The following EIF2AK2 variants were observed in gnomAD, a reference collection of about 807,000 sequenced individuals.
EIF2AK2 encodes eukaryotic translation initiation factor 2 alpha kinase 2.
A neutral mutation model predicts 70.5 loss-of-function variants in EIF2AK2; 40 were observed. The ratio of observed to expected loss-of-function variants is 0.57; its 90% confidence interval spans 0.44 to 0.74. The LOEUF (loss-of-function observed/expected upper bound fraction) is 0.74, where lower values mean the gene tolerates loss of function less well. EIF2AK2 is among the 30% of genes least tolerant of loss of function. The pLI, the probability that EIF2AK2 is intolerant of heterozygous loss-of-function variation, is 0.00. For synonymous variants in EIF2AK2, 198 were observed against 220.9 expected (o/e 0.90, Z 0.92); for missense variants, 555 against 644.3 (o/e 0.86, Z 1.50).
At chr2:37,121,862 T>C (rs1406820958) in intron 12 of EIF2AK2, among the ~76,000 whole-genome samples, 1 of 152,106 alleles carries the variant, frequency 6.6e-6, no homozygotes, top group Admixed American at 6.6e-5. Flanking sequence ...TGGGACCCCA[T>C]TGGCCTCAGG....
intron 6 of EIF2AK2, among the ~76,000 whole-genome samples, chr2:37,139,329 A>C (rs889187172): frequency 2.0e-5 from 3 of 151,046 alleles, no homozygotes; most frequent in Non-Finnish European, 3.0e-5. Context: ...AAAAAAAAAA[A>C]AAAACTCCTG....
chr2:37,150,783 G>T (rs1484491417), intron 1 of EIF2AK2, among the ~76,000 whole-genome samples: 1 of 152,116 alleles, frequency 6.6e-6, no homozygotes, highest in East Asian at 1.9e-4. Flanking sequence ...AATCATGAAG[G>T]ATTTAACTGT....
chr2:37,125,335 T>C (rs577635532), intron 11 of EIF2AK2, among the ~76,000 whole-genome samples: 51 of 152,296 alleles, frequency 3.3e-4, no homozygotes, highest in African/African-American at 1.2e-3. Flanking sequence ...TTAGAACTCA[T>C]CCCCTAGAAT....
In EIF2AK2 at chr2:37,126,506, T is replaced by G. The variant is rs2307467; in HGVS notation, c.786-95A>C. ...TTTCCCTTTAATGTCACTTGTGAAA[T>G]GGACAATAAAACAAATTTGATTCTC... On this transcript the variant is annotated intron_variant, in intron 10 of 16. Transcript: ENST00000233057. 1.9e-3 allele frequency: 2,909 copies of G among 1,501,110 alleles called. 49 individuals are homozygous for G. The African/African-American group carries it at 0.036, about 19-fold the overall frequency. 93.0% of individuals were successfully genotyped at this position (1,501,110 alleles called of 1,614,324 possible).
chr2:37,121,613 C>A (rs187276635), intron 12 of EIF2AK2, among the ~76,000 whole-genome samples: 9 of 138,708 alleles, frequency 6.5e-5, no homozygotes, highest in African/African-American at 2.5e-4. Flanking sequence ...AAATTGGAGG[C>A]TTGATTTTTT....
At chr2:37,128,390 C>T (rs1674818993) in intron 10 of EIF2AK2, among the ~76,000 whole-genome samples, 1 of 151,886 alleles carries the variant, frequency 6.6e-6, no homozygotes, top group Admixed American at 6.6e-5. Flanking sequence ...TTTTTTTAAT[C>T]ACTGATTTAC....
At chr2:37,123,072 G>T (rs542103250) in intron 11 of EIF2AK2, among the ~76,000 whole-genome samples, 1 of 152,022 alleles carries the variant, frequency 6.6e-6, no homozygotes, top group African/African-American at 2.4e-5. Flanking sequence ...GGAGGCTGAG[G>T]CAGGAGAATC....
intron 10 of EIF2AK2, among the ~76,000 whole-genome samples, chr2:37,131,157 C>T (rs545654296): frequency 3.3e-5 from 5 of 152,320 alleles, no homozygotes; most frequent in South Asian, 2.1e-4. Flanking sequence ...CAACCACTCA[C>T]TCCTACCCCA....
rs4648209 is a variant in EIF2AK2 at position 37,126,689 on chromosome 2, G to A, written c.786-278C>T. On this transcript the variant is annotated intron_variant, in intron 10 of 16. Coordinates refer to ENST00000233057, the MANE Select transcript of EIF2AK2 (RefSeq NM_001135651.3). ...AGTCATGATAAGTCCAGGTGCCATG[G>A]CTCATGCCCGTAATACCAGCACTTC... 9.6e-3 allele frequency among the ~76,000 whole-genome samples: 1,466 copies of A among 152,074 alleles called. 24 individuals carry two copies. Among genetic ancestry groups the A allele is most frequent in the African/African-American group, 0.033 (1,383 of 41,484 alleles).
intron 5 of EIF2AK2, among the ~76,000 whole-genome samples, chr2:37,140,893 C>T (rs1675307845): frequency 6.6e-6 from 1 of 152,042 alleles, no homozygotes; most frequent in Non-Finnish European, 1.5e-5. Flanking sequence ...TTCTCTTTAA[C>T]TGGTTGGTTG....
chr2:37,145,910 G>A (rs901639813), intron 4 of EIF2AK2, among the ~76,000 whole-genome samples: 10 of 151,120 alleles, frequency 6.6e-5, no homozygotes, highest in East Asian at 2.0e-4. Context: ...CCACCACCAC[G>A]CCCAGCTAAT....
chr2:37,110,364 G>T (rs4648235), intron 14 of EIF2AK2, among the ~76,000 whole-genome samples: 55 of 151,670 alleles, frequency 3.6e-4, no homozygotes, highest in African/African-American at 1.3e-3. Context: ...CCAAAGTGTT[G>T]GGATTACAGG....
intron 14 of EIF2AK2, chr2:37,109,528 A>G: frequency 2.2e-6 from 1 of 446,388 alleles, no homozygotes; most frequent in Non-Finnish European, 4.1e-6. Flanking sequence ...TAAAACAAGG[A>G]TAACAACAGT....
chr2:37,155,064 G>A (rs1675877777), intron 1 of EIF2AK2, among the ~76,000 whole-genome samples: 2 of 151,880 alleles, frequency 1.3e-5, no homozygotes, highest in Admixed American at 1.3e-4. Flanking sequence ...TCACCTCCAG[G>A]TTTGTGGCTT....
chr2:37,146,481 C>T (rs541535613), intron 4 of EIF2AK2, among the ~76,000 whole-genome samples: 1 of 152,280 alleles, frequency 6.6e-6, no homozygotes, highest in South Asian at 2.1e-4. Context: ...CATTATTCTC[C>T]CTACAATCAC....
At chr2:37,151,532 G>A (rs942237987) in intron 1 of EIF2AK2, among the ~76,000 whole-genome samples, 3 of 152,174 alleles carry the variant, frequency 2.0e-5, no homozygotes, top group African/African-American at 7.2e-5. Context: ...GGTTGCTGGG[G>A]TTCCTCTAGA....
intron 6 of EIF2AK2, among the ~76,000 whole-genome samples, chr2:37,139,171 C>T (rs768918345): frequency 2.0e-5 from 3 of 151,704 alleles, no homozygotes; most frequent in Non-Finnish European, 4.4e-5. Flanking sequence ...AAAAATTAGC[C>T]GGGCACGGTA....
chr2:37,131,770 G>A (rs770368543), intron 10 of EIF2AK2, among the ~76,000 whole-genome samples: 1 of 152,124 alleles, frequency 6.6e-6, no homozygotes, highest in Non-Finnish European at 1.5e-5. Flanking sequence ...GAGAGATATT[G>A]TGATGATACC....
intron 10 of EIF2AK2, among the ~76,000 whole-genome samples, chr2:37,126,987 A>AAAAAAAAAAAAAAG (rs1674758480): frequency 6.8e-6 from 1 of 147,744 alleles, no homozygotes; most frequent in Non-Finnish European, 1.5e-5. Context: ...AAAAAAAAAA[A>AAAAAAAAAAAAAAG]AAAAAAAAAA....
Sources: gnomAD v4.1 joint callset for allele counts (sites outside exome capture counted in the v4.1 genomes callset) on GRCh38, gnomAD v4.1.1 for gene constraint, MANE v1.5 for transcripts, NCBI Gene and HGNC (gene_info 2026-07-23, HGNC 2026-07-21) for gene names.